The following SPATA17 variants were observed in gnomAD, a reference collection of about 807,000 sequenced individuals.
SPATA17 encodes the protein spermatogenesis associated 17, also known as spermatogenesis-associated protein 17.
SPATA17 carries 53 observed loss-of-function variants against 62.2 expected under a neutral mutation model. That is an observed-to-expected ratio of 0.85 (90% CI 0.68 to 1.07). The LOEUF (loss-of-function observed/expected upper bound fraction) is 1.07, where lower values mean the gene tolerates loss of function less well. Among genes scored for constraint, SPATA17 ranks in the 50% least tolerant of loss-of-function variants. The pLI, the probability that SPATA17 is intolerant of heterozygous loss-of-function variation, is 0.00. For synonymous variants in SPATA17, 146 were observed against 146.8 expected (o/e 0.99, Z 0.04); for missense variants, 466 against 425.5 (o/e 1.10, Z -0.84).
chr1:217,829,179 T>C (rs920757670), intron 9 of SPATA17, among the ~76,000 whole-genome samples: 7 of 152,080 alleles, frequency 4.6e-5, no homozygotes, highest in African/African-American at 1.7e-4. Context: ...AGCCAAGATA[T>C]GGAAACAACC....
At chr1:217,858,082 T>C (rs80078738) in intron 9 of SPATA17, among the ~76,000 whole-genome samples, 5,360 of 152,310 alleles carry the variant, frequency 0.035, 137 homozygotes, top group Middle Eastern at 0.054. Context: ...GAAGAAAATA[T>C]TAGAACTTCT....
In SPATA17 at chr1:217,749,943, T is replaced by TTC. The variant is rs1188300100; in HGVS notation, c.519+7887_519+7888dup. ...TATCCTAGAGAAATTTGTCATAAGA[T>TTC]TCTCTCTCTCTCTCTCTCTCTCTCT... On this transcript the variant is annotated intron_variant, in intron 6 of 10. Coordinates refer to ENST00000366933, the MANE Select transcript of SPATA17 (RefSeq NM_138796.4). 5.3e-3 allele frequency among the ~76,000 whole-genome samples: 219 copies of TTC among 41,440 alleles called. 11 individuals carry two copies. Among genetic ancestry groups the TTC allele is most frequent in the Admixed American group, 6.7e-3 (22 of 3,260 alleles). 27.2% of individuals were successfully genotyped at this position (41,440 alleles called of 152,430 possible). A position where few individuals can be genotyped will look rare whatever the true frequency, so the allele number is the denominator to read the frequency against.
intron 3 of SPATA17, among the ~76,000 whole-genome samples, chr1:217,663,909 A>C (rs1670626115): frequency 6.6e-6 from 1 of 152,194 alleles, no homozygotes. Flanking sequence ...GTATAACAAA[A>C]AACACCATGC....
intron 3 of SPATA17, among the ~76,000 whole-genome samples, chr1:217,653,223 C>G (rs1558552777): frequency 6.6e-6 from 1 of 152,164 alleles, no homozygotes; most frequent in Non-Finnish European, 1.5e-5. Flanking sequence ...CATTTTGAAG[C>G]TTGTCTTTCT....
At chr1:217,821,072 C>A (rs1344147476) in intron 9 of SPATA17, among the ~76,000 whole-genome samples, 1 of 152,078 alleles carries the variant, frequency 6.6e-6, no homozygotes, top group African/African-American at 2.4e-5. Context: ...AGCAAGAATT[C>A]ATTCACTACT....
chr1:217,652,976 T>C (rs1330318367), intron 3 of SPATA17, among the ~76,000 whole-genome samples: 2 of 152,206 alleles, frequency 1.3e-5, no homozygotes, highest in East Asian at 3.9e-4. Context: ...TAGTCGGTGC[T>C]CAAAAATGGT....
chr1:217,703,335 C>A (rs542950624), intron 5 of SPATA17, among the ~76,000 whole-genome samples: 2 of 152,042 alleles, frequency 1.3e-5, no homozygotes, highest in South Asian at 4.2e-4. Flanking sequence ...CCATGCCCGG[C>A]TAGCTTTTGT....
At chr1:217,704,208 T>A (rs1671674278) in intron 5 of SPATA17, among the ~76,000 whole-genome samples, 1 of 138,164 alleles carries the variant, frequency 7.2e-6, no homozygotes, top group Non-Finnish European at 1.6e-5. Context: ...TTTTTTATCC[T>A]AACTCTCCTC....
intron 5 of SPATA17, among the ~76,000 whole-genome samples, chr1:217,700,413 G>C (rs1344894924): frequency 1.3e-5 from 2 of 152,042 alleles, no homozygotes. Context: ...TAATTTGGAA[G>C]ATTTAAGCCT....
At chr1:217,763,210 A>G (rs1273339779) in intron 6 of SPATA17, among the ~76,000 whole-genome samples, 2 of 152,196 alleles carry the variant, frequency 1.3e-5, no homozygotes, top group Non-Finnish European at 2.9e-5. Flanking sequence ...TAAAACAGTT[A>G]CTCATATATG....
intron 3 of SPATA17, among the ~76,000 whole-genome samples, chr1:217,655,199 T>G (rs985193862): frequency 6.6e-6 from 1 of 152,354 alleles, no homozygotes; most frequent in Admixed American, 6.5e-5. Context: ...TTAGTCACCT[T>G]TAATCTAGAA....
Position 217,673,341 on chromosome 1 carries a change from A to G in SPATA17, c.291+4258A>G, listed in dbSNP as rs116802779. Among the ~76,000 whole-genome samples, 1,210 of 152,272 alleles carry G rather than the reference A, an allele frequency of 7.9e-3. 23 individuals are homozygous for G. The highest frequency in any genetic ancestry group is 0.027 in the African/African-American group (1,132 of 41,524). ...CCTGTTGCTGATTTGCTGCTAGGCCAGTGACAGTCAATTAATATAGCAATA... is the reference window on the plus strand; with the variant it reads ...CCTGTTGCTGATTTGCTGCTAGGCCGGTGACAGTCAATTAATATAGCAATA... On this transcript the variant is annotated intron_variant, in intron 4 of 10. Transcript: ENST00000366933.
chr1:217,796,010 C>T (rs984512184), intron 8 of SPATA17, among the ~76,000 whole-genome samples: 14 of 151,918 alleles, frequency 9.2e-5, no homozygotes, highest in African/African-American at 3.4e-4. Flanking sequence ...GTTGCCGAAG[C>T]TGGTCTCAAA....
At chr1:217,861,538 T>G (rs1191274072) in intron 9 of SPATA17, among the ~76,000 whole-genome samples, 2 of 152,028 alleles carry the variant, frequency 1.3e-5, no homozygotes, top group Non-Finnish European at 2.9e-5. Flanking sequence ...CAATTTACTA[T>G]TGCAAAAAGT....
At chr1:217,644,332 A>G (rs1486272454) in intron 1 of SPATA17, among the ~76,000 whole-genome samples, 1 of 152,232 alleles carries the variant, frequency 6.6e-6, no homozygotes, top group East Asian at 1.9e-4. Context: ...ATATAGATTA[A>G]GTATACTATA....
At chr1:217,790,405 T>C (rs1673968379) in intron 8 of SPATA17, among the ~76,000 whole-genome samples, 2 of 152,314 alleles carry the variant, frequency 1.3e-5, no homozygotes, top group East Asian at 3.9e-4. Flanking sequence ...CCATGCTCCA[T>C]TGTAGTAAAT....
At chr1:217,632,741 G>A (rs1479084034) in intron 1 of SPATA17, among the ~76,000 whole-genome samples, 1 of 152,142 alleles carries the variant, frequency 6.6e-6, no homozygotes. Context: ...CAATAAATCT[G>A]TAGCCCTGGT....
chr1:217,688,462 C>G (rs1027484684), intron 5 of SPATA17, among the ~76,000 whole-genome samples: 1 of 152,160 alleles, frequency 6.6e-6, no homozygotes, highest in African/African-American at 2.4e-5. Flanking sequence ...AGAGAGATCT[C>G]TTTTAAGTCA....
intron 8 of SPATA17, among the ~76,000 whole-genome samples, chr1:217,792,407 T>C (rs1245583449): frequency 3.3e-5 from 5 of 152,218 alleles, no homozygotes; most frequent in South Asian, 4.1e-4. Context: ...TGTAAAGACA[T>C]GGCGTTCTCC....
Sources: gnomAD v4.1 joint callset for allele counts (sites outside exome capture counted in the v4.1 genomes callset) on GRCh38, gnomAD v4.1.1 for gene constraint, MANE v1.5 for transcripts, NCBI Gene and HGNC (gene_info 2026-07-23, HGNC 2026-07-21) for gene names.